The following CRAMP1 variants were observed in gnomAD, a reference collection of about 807,000 sequenced individuals.
CRAMP1 encodes the protein protein cramped-like.
Under a neutral mutation model 115.4 loss-of-function variants are expected in CRAMP1, and 50 were observed. That is an observed-to-expected ratio of 0.43 (90% CI 0.35 to 0.55). The LOEUF (loss-of-function observed/expected upper bound fraction) is 0.55, where lower values mean the gene tolerates loss of function less well. CRAMP1 is among the 20% of genes least tolerant of loss of function. The pLI is 0.01. For missense variants in CRAMP1, 1,679 were observed against 1,721.7 expected, an observed-to-expected ratio of 0.98 and a Z score of 0.44; for synonymous variants, 866 against 745.4, an observed-to-expected ratio of 1.16 and a Z score of -2.64.
Position 1,657,217 on chromosome 16 carries a change from C to T in CRAMP1, c.2235+225C>T, listed in dbSNP as rs946174873. On this transcript the variant is annotated intron_variant, in intron 10 of 20. Coordinates refer to ENST00000397412, the MANE Select transcript of CRAMP1 (RefSeq NM_020825.4). ...GCTCTCCACAGACTACTTTCCTCTC[C>T]CTCGAGGAGGGATCCTCGGGCACTT... Among the ~76,000 whole-genome samples the T allele has an allele frequency of 2.0e-5, 3 of 152,352 alleles. 1 individual carries two copies. In the South Asian group the frequency reaches 6.2e-4, roughly 32 times the overall value.
intron 5 of CRAMP1, among the ~76,000 whole-genome samples, chr16:1,638,149 TCA>T (rs1368726734): frequency 6.6e-6 from 1 of 152,176 alleles, no homozygotes; most frequent in Admixed American, 6.5e-5. Context: ...ACACATGTGT[TCA>T]CACACTCTGC....
intron 6 of CRAMP1, 120 bp downstream of exon 6, chr16:1,641,307 C>G: frequency 1.3e-6 from 1 of 749,012 alleles, no homozygotes; most frequent in African/African-American, 1.7e-5. Flanking sequence ...CATAACCTCT[C>G]AGTTACGTGT....
intron 2 of CRAMP1, among the ~76,000 whole-genome samples, chr16:1,618,675 A>G (rs2036441228): frequency 6.6e-6 from 1 of 152,160 alleles, no homozygotes; most frequent in South Asian, 2.1e-4. Context: ...TACTCTTTAT[A>G]TTTTGTATAA....
At chr16:1,628,626 C>A (rs893518677) in intron 3 of CRAMP1, among the ~76,000 whole-genome samples, 1 of 152,224 alleles carries the variant, frequency 6.6e-6, no homozygotes, top group Non-Finnish European at 1.5e-5. Context: ...TGATGTGTGG[C>A]TGACTGGCCG....
At chr16:1,615,164 T>C (rs1312546175) in intron 2 of CRAMP1, among the ~76,000 whole-genome samples, 179 bp downstream of exon 2, 2 of 152,274 alleles carry the variant, frequency 1.3e-5, no homozygotes, top group Non-Finnish European at 2.9e-5. Context: ...TCGAAGAGGC[T>C]GCGACTTTCT....
At chr16:1,629,045 T>A (rs1319129229) in intron 3 of CRAMP1, among the ~76,000 whole-genome samples, 2 of 152,246 alleles carry the variant, frequency 1.3e-5, no homozygotes, top group Non-Finnish European at 2.9e-5. Context: ...CTTCCATTTC[T>A]GTGGCAGGTC....
rs779752301 is a variant in CRAMP1, at chr16:1,676,242, C to T, written c.*2197C>T. 1 of 152,322 alleles carries T rather than the reference C, an allele frequency of 6.6e-6. No individual in the cohort carries two copies. The highest frequency in any genetic ancestry group is 2.4e-5 in the African/African-American group (1 of 41,448). 9.4% of individuals were successfully genotyped at this position (152,322 alleles called of 1,614,324 possible). A position where few individuals can be genotyped will look rare whatever the true frequency, so the allele number is the denominator to read the frequency against. ...CCACTTGGTTCTCCAGCGTAGACTC[C>T]TGGGAGCAGCCAACTGCAGCCATTG... On this transcript the variant is annotated 3_prime_UTR_variant, in exon 21 of 21. Coordinates refer to ENST00000397412, the MANE Select transcript of CRAMP1 (RefSeq NM_020825.4).
At position 1,652,658 on chromosome 16, in the gene CRAMP1, CG is replaced by C. The variant is rs769084162; in HGVS notation, c.913+80del. 361 of 1,300,578 alleles carry C rather than the reference CG, an allele frequency of 2.8e-4. 2 individuals carry two copies. Among genetic ancestry groups the C allele is most frequent in the Middle Eastern group, 2.2e-3 (9 of 4,160 alleles). The allele number at this position is 1,300,578 out of a possible 1,614,324, so 80.6% of individuals were successfully genotyped here. A position where few individuals can be genotyped will look rare whatever the true frequency, so the allele number is the denominator to read the frequency against. On this transcript the variant is annotated intron_variant, in intron 7 of 20. Transcript: ENST00000397412. ...TTCAATGATGGGCAGGCTGAGCTAC[CG>C]GGTTGCTGCCACAGTTGCTTTGTGT...
intron 12 of CRAMP1, 39 bp from the exon 13 acceptor site, chr16:1,662,722 A>G: frequency 6.2e-7 from 1 of 1,613,766 alleles, no homozygotes; most frequent in Non-Finnish European, 8.5e-7. Flanking sequence ...CGTGGTCTGG[A>G]GAGTGCACCT....
chr16:1,616,562 A>C (rs1401851306), intron 2 of CRAMP1, among the ~76,000 whole-genome samples: 1 of 152,122 alleles, frequency 6.6e-6, no homozygotes, highest in Non-Finnish European at 1.5e-5. Context: ...TGATCAGGTC[A>C]ATTTTTGGCA....
intron 8 of CRAMP1, among the ~76,000 whole-genome samples, chr16:1,654,243 C>T (rs531401824): frequency 6.7e-6 from 1 of 148,826 alleles, no homozygotes; most frequent in African/African-American, 2.5e-5. Flanking sequence ...TGGAGTCTTG[C>T]TCTGTGGCTC....
chr16:1,665,913 G>C, intron 14 of CRAMP1, 160 bp from the exon 15 acceptor site: 1 of 608,330 alleles, frequency 1.6e-6, no homozygotes, highest in East Asian at 2.8e-5. Context: ...TGTGACCTCT[G>C]ACTCCTCATG....
chr16:1,623,963 A>G (rs762623517), intron 2 of CRAMP1, among the ~76,000 whole-genome samples: 10 of 152,204 alleles, frequency 6.6e-5, no homozygotes, highest in Non-Finnish European at 1.5e-4. Context: ...GCAGCCGGAA[A>G]GCGGCCTGGG....
At chr16:1,668,233 G>A (rs781612791) in intron 18 of CRAMP1, 40 bp downstream of exon 18, 61 of 1,401,580 alleles carry the variant, frequency 4.4e-5, no homozygotes, top group Non-Finnish European at 5.9e-5. Context: ...CTGTCATCAG[G>A]TGTTGATCTC....
intron 6 of CRAMP1, among the ~76,000 whole-genome samples, chr16:1,642,170 C>A (rs920728348): frequency 1.3e-5 from 2 of 152,208 alleles, no homozygotes; most frequent in African/African-American, 4.8e-5. Flanking sequence ...GCAGCCACTC[C>A]TGAACAGTCC....
chr16:1,632,420 C>T (rs1317331179), intron 4 of CRAMP1, 55 bp downstream of exon 4: 2 of 1,515,660 alleles, frequency 1.3e-6, no homozygotes, highest in African/African-American at 1.4e-5. Context: ...CCGGCTTCTG[C>T]TCAGAGCGCA....
chr16:1,673,848 G>A (rs1324606775), intron 20 of CRAMP1, 33 bp from the exon 21 acceptor site: 1 of 1,611,156 alleles, frequency 6.2e-7, no homozygotes, highest in African/African-American at 1.3e-5. Context: ...GCAGGTCGCG[G>A]TGACTTGTTC....
intron 4 of CRAMP1, among the ~76,000 whole-genome samples, chr16:1,634,768 G>A (rs920953173): frequency 2.6e-5 from 4 of 152,218 alleles, no homozygotes; most frequent in Non-Finnish European, 4.4e-5. Context: ...ATGCTGACTT[G>A]CCCAACAGGA....
At position 1,614,041 on chromosome 16, in the gene CRAMP1, C is replaced by T. The variant is rs1169738170; in HGVS notation, c.-1-598C>T. Reference sequence around the variant, plus strand: ...CCGGGGTGGATCCGGCCTCCTCTGTCCTCCTCCAGGGCCAGCTCTGGGGGC... The same window carrying T: ...CCGGGGTGGATCCGGCCTCCTCTGTTCTCCTCCAGGGCCAGCTCTGGGGGC... On this transcript the variant is annotated intron_variant, in intron 1 of 20. Transcript: ENST00000397412. This position sits in a 1 kb window ranked among gnomAD's most constrained non-coding sequence, Gnocchi z 4.4. Among the ~76,000 whole-genome samples the T allele has an allele frequency of 1.3e-5, 2 of 151,196 alleles. No individual in the cohort carries two copies. Among genetic ancestry groups the T allele is most frequent in the African/African-American group, 4.8e-5 (2 of 41,266 alleles).
Sources: gnomAD v4.1 joint callset for allele counts (sites outside exome capture counted in the v4.1 genomes callset) on GRCh38, gnomAD v4.1.1 for gene constraint, Gnocchi (gnomAD v3.1) non-coding constraint, MANE v1.5 for transcripts, NCBI Gene and HGNC (gene_info 2026-07-23, HGNC 2026-07-21) for gene names.